The following RAPGEF5 variants were observed in gnomAD, a reference collection of about 807,000 sequenced individuals.
The protein encoded by RAPGEF5 is Rap guanine nucleotide exchange factor 5.
A neutral mutation model predicts 125.2 loss-of-function variants in RAPGEF5; 65 were observed. The observed-to-expected ratio is 0.52, with a 90% CI of 0.43 to 0.64. The LOEUF is 0.64. Ranked by LOEUF, RAPGEF5 falls within the 30% of genes least tolerant of loss-of-function variation. The probability of loss-of-function intolerance (pLI) is 0.00; values close to 1 mark genes in which losing one functional copy is unlikely to be tolerated. For synonymous variants in RAPGEF5, 391 were observed against 385.9 expected (o/e 1.01, Z -0.16); for missense variants, 958 against 1,048.1 (o/e 0.91, Z 1.19).
In RAPGEF5 at chr7:22,349,142, G is replaced by A. The variant is rs116013826; in HGVS notation, c.231+7688C>T. 3.6e-3 allele frequency among the ~76,000 whole-genome samples: 537 copies of A among 151,148 alleles called. 3 individuals carry two copies. Among genetic ancestry groups the A allele is most frequent in the African/African-American group, 0.012 (503 of 41,180 alleles). ...ACCCAGTGTTCCACAGATCAGTAGG[G>A]GCCAAGAACAGTGGCTCACACCTGT... On this transcript the variant is annotated intron_variant, in intron 1 of 25. Transcript: ENST00000665637.
Position 22,355,412 on chromosome 7 carries a change from G to C in RAPGEF5, c.231+1418C>G, listed in dbSNP as rs535864646. Reference sequence around the variant, plus strand: ...TATTCTGTGCCATGAAAAAGTAACCGTCAAGGATAATAGAAACATAATTTG... The same window carrying C: ...TATTCTGTGCCATGAAAAAGTAACCCTCAAGGATAATAGAAACATAATTTG... On this transcript the variant is annotated intron_variant, in intron 1 of 25. Transcript: ENST00000665637. Among the ~76,000 whole-genome samples the C allele has an allele frequency of 1.6e-3, 245 of 152,244 alleles. 2 individuals are homozygous for C. Among genetic ancestry groups the C allele is most frequent in the Non-Finnish European group, 2.5e-3 (167 of 68,010 alleles).
intron 5 of RAPGEF5, chr7:22,298,687 G>A (rs1023624475): frequency 6.6e-6 from 1 of 152,206 alleles, no homozygotes; most frequent in South Asian, 2.1e-4. Context: ...TAGGAGAAAT[G>A]ACATAAGTTA....
In RAPGEF5 at chr7:22,344,268, C is replaced by G. The variant is rs183486332; in HGVS notation, c.231+12562G>C. On this transcript the variant is annotated intron_variant, in intron 1 of 25. Coordinates refer to ENST00000665637, the MANE Select transcript of RAPGEF5 (RefSeq NM_012294.5). ...CCCACTGTCACATTTTCTAGCATGG[C>G]TCTTACCTGGGCTCCTCCATCCATC... Among the ~76,000 whole-genome samples, 321 of 152,318 alleles carry G rather than the reference C, an allele frequency of 2.1e-3. 2 individuals carry two copies. The highest frequency in any genetic ancestry group is 7.2e-3 in the African/African-American group (301 of 41,560).
chr7:22,127,231 G>C (rs6972953), intron 24 of RAPGEF5, among the ~76,000 whole-genome samples: 18,313 of 151,766 alleles, frequency 0.12, 1,328 homozygotes, highest in East Asian at 0.33. Context: ...TAAAGACAGG[G>C]TTTCACCATG....
At chr7:22,270,936 T>G (rs1277877978) in intron 6 of RAPGEF5, among the ~76,000 whole-genome samples, 1 of 152,228 alleles carries the variant, frequency 6.6e-6, no homozygotes, top group Non-Finnish European at 1.5e-5. Context: ...AAGTTAGTTA[T>G]GAAGAACTTT....
At position 22,226,100 on chromosome 7, in the gene RAPGEF5, C is replaced by A. The variant is rs376560318; in HGVS notation, c.870+4746G>T. 1.6e-4 allele frequency among the ~76,000 whole-genome samples: 25 copies of A among 152,306 alleles called. 1 individual carries two copies. The highest frequency in any genetic ancestry group is 1.5e-3 in the East Asian group (8 of 5,184). ...ATTCTCTGCATTATCTTAACTTTAA[C>A]AACCACTTTTTCTAAAACACCTAGG... On this transcript the variant is annotated intron_variant, in intron 8 of 25. Coordinates refer to ENST00000665637, the MANE Select transcript of RAPGEF5 (RefSeq NM_012294.5).
At chr7:22,262,250 C>A (rs1782173340) in intron 7 of RAPGEF5, among the ~76,000 whole-genome samples, 1 of 151,854 alleles carries the variant, frequency 6.6e-6, no homozygotes, top group South Asian at 2.1e-4. Context: ...AAAAAATGGG[C>A]AAAAGGCATC....
At chr7:22,262,965 A>AAAAC (rs1050693848) in intron 7 of RAPGEF5, among the ~76,000 whole-genome samples, 4 of 152,300 alleles carry the variant, frequency 2.6e-5, no homozygotes, top group East Asian at 3.9e-4. Flanking sequence ...ACCCTGTCTC[A>AAAAC]AAACAAACAA....
chr7:22,196,973 A>ATCACT (rs1785161979), intron 9 of RAPGEF5, among the ~76,000 whole-genome samples: 1 of 152,188 alleles, frequency 6.6e-6, no homozygotes, highest in Non-Finnish European at 1.5e-5. Context: ...AGGAGCTAAA[A>ATCACT]TCACACTAAG....
chr7:22,284,088 T>TGC (rs145005530), intron 6 of RAPGEF5, among the ~76,000 whole-genome samples: 74 of 151,404 alleles, frequency 4.9e-4, no homozygotes, highest in African/African-American at 1.3e-3. Context: ...TGTGTGTGTG[T>TGC]GCGCGTGCAT....
intron 5 of RAPGEF5, among the ~76,000 whole-genome samples, chr7:22,307,706 A>G (rs1783375146): frequency 6.6e-6 from 1 of 152,196 alleles, no homozygotes; most frequent in Non-Finnish European, 1.5e-5. Flanking sequence ...AATATGGGAA[A>G]GCATTCTGGA....
At chr7:22,227,829 A>G (rs1233979686) in intron 8 of RAPGEF5, among the ~76,000 whole-genome samples, 1 of 152,172 alleles carries the variant, frequency 6.6e-6, no homozygotes, top group Non-Finnish European at 1.5e-5. Context: ...GTGACAGAGT[A>G]AGACCCTGTT....
At chr7:22,203,761 T>TC (rs1254830137) in intron 9 of RAPGEF5, among the ~76,000 whole-genome samples, 1 of 152,146 alleles carries the variant, frequency 6.6e-6, no homozygotes, top group Non-Finnish European at 1.5e-5. Context: ...GGACCAGGGC[T>TC]CCTCAGCAGT....
At chr7:22,125,546 C>G in intron 25 of RAPGEF5, 58 bp downstream of exon 25, 1 of 1,504,168 alleles carries the variant, frequency 6.6e-7, no homozygotes, top group Non-Finnish European at 9.3e-7. Flanking sequence ...TACTTGTGAC[C>G]ACAGTTGGTA....
chr7:22,220,053 C>T, intron 8 of RAPGEF5, 62 bp from the exon 9 acceptor site: 1 of 1,563,184 alleles, frequency 6.4e-7, no homozygotes, highest in Non-Finnish European at 8.8e-7. Context: ...CATGACACCA[C>T]CGCAAAGTTC....
chr7:22,189,106 T>A, intron 11 of RAPGEF5, among the ~76,000 whole-genome samples: 1 of 147,518 alleles, frequency 6.8e-6, no homozygotes. Context: ...TCAGGCCTAA[T>A]GAGAATCAGC....
intron 7 of RAPGEF5, among the ~76,000 whole-genome samples, chr7:22,265,228 A>G (rs1161086130): frequency 1.3e-5 from 2 of 151,576 alleles, no homozygotes; most frequent in South Asian, 2.1e-4. Flanking sequence ...CCGTCTAACT[A>G]TACTTTTGTA....
At chr7:22,311,201 A>G (rs1783462500) in intron 3 of RAPGEF5, among the ~76,000 whole-genome samples, 1 of 152,050 alleles carries the variant, frequency 6.6e-6, no homozygotes, top group Non-Finnish European at 1.5e-5. Context: ...TGTTTTTTGT[A>G]GAGACTGAGT....
In RAPGEF5 at chr7:22,233,796, C is replaced by G. The variant is rs1475028143; in HGVS notation, c.797-2877G>C. ...TAAAAGCAAACCTAGGATAAAGTGTCAGTCCTGTATTTATTTCTAGCTTAT... is the reference window on the plus strand; with the variant it reads ...TAAAAGCAAACCTAGGATAAAGTGTGAGTCCTGTATTTATTTCTAGCTTAT... On this transcript the variant is annotated intron_variant, in intron 7 of 25. Transcript: ENST00000665637. Among the ~76,000 whole-genome samples the G allele has an allele frequency of 2.6e-5, 4 of 152,170 alleles. No individual in the cohort carries two copies. In the East Asian group the frequency reaches 7.7e-4, roughly 29 times the overall value.
Sources: gnomAD v4.1 joint callset for allele counts (sites outside exome capture counted in the v4.1 genomes callset) on GRCh38, gnomAD v4.1.1 for gene constraint, MANE v1.5 for transcripts, NCBI Gene and HGNC (gene_info 2026-07-23, HGNC 2026-07-21) for gene names.